VTCN1: variants seen among roughly 807,000 people sequenced by gnomAD.
VTCN1 encodes V-set domain containing T cell activation inhibitor 1, also known as V-set domain-containing T-cell activation inhibitor 1.
A neutral mutation model predicts 26.5 loss-of-function variants in VTCN1; 26 were observed. The ratio of observed to expected loss-of-function variants is 0.98; its 90% CI spans 0.72 to 1.36. The LOEUF (loss-of-function observed/expected upper bound fraction) is 1.36. Among genes scored for constraint, VTCN1 ranks in the 40% most tolerant of loss-of-function variants. The pLI is 0.00. For missense variants in VTCN1, 298 were observed against 337.7 expected (o/e 0.88, Z 0.92); for synonymous variants, 116 against 130.7 (o/e 0.89, Z 0.77).
intron 1 of VTCN1, among the ~76,000 whole-genome samples, chr1:117,188,923 T>C (rs1648099897): frequency 6.6e-6 from 1 of 152,200 alleles, no homozygotes; most frequent in Non-Finnish European, 1.5e-5. Context: ...AATTATTATA[T>C]ATAAGTAAAA....
rs188267697 is a variant in VTCN1 at position 117,170,360 on chromosome 1, C to T, written c.33-189G>A. The T allele has an allele frequency of 5.7e-5, 40 of 696,498 alleles. No individual in the cohort carries two copies. In the East Asian group the frequency reaches 1.1e-3, roughly 18 times the overall value. 43.1% of individuals were successfully genotyped at this position (696,498 alleles called of 1,614,324 possible). A position where few individuals can be genotyped will look rare whatever the true frequency, so the allele number is the denominator to read the frequency against. ...AATTTCAGCAATTCCATCCCCATCCCCCTGGGGCTCTGGGATCAATGAAAA... is the reference window on the plus strand; with the variant it reads ...AATTTCAGCAATTCCATCCCCATCCTCCTGGGGCTCTGGGATCAATGAAAA... On this transcript the variant is annotated intron_variant, in intron 1 of 5. Coordinates refer to ENST00000369458, the MANE Select transcript of VTCN1 (RefSeq NM_024626.4).
intron 2 of VTCN1, among the ~76,000 whole-genome samples, chr1:117,168,454 G>C (rs956046695): frequency 6.6e-6 from 1 of 152,122 alleles, no homozygotes; most frequent in African/African-American, 2.4e-5. Flanking sequence ...AAACAATAAA[G>C]CTTCTACAAG....
intron 1 of VTCN1, among the ~76,000 whole-genome samples, chr1:117,209,284 G>A (rs540672624): frequency 2.0e-5 from 3 of 152,144 alleles, no homozygotes; most frequent in Non-Finnish European, 4.4e-5. Context: ...AAAGCATTAC[G>A]AGAGAGCCCA....
chr1:117,194,380 T>C (rs986940622), intron 1 of VTCN1, among the ~76,000 whole-genome samples: 1 of 152,166 alleles, frequency 6.6e-6, no homozygotes, highest in Non-Finnish European at 1.5e-5. Context: ...AAAATGTTGG[T>C]GCGGATGCAG....
intron 1 of VTCN1, among the ~76,000 whole-genome samples, chr1:117,184,719 T>G (rs1253849831): frequency 6.6e-6 from 1 of 152,182 alleles, no homozygotes; most frequent in African/African-American, 2.4e-5. Context: ...GTGCCTGGCA[T>G]GGAGCAAAGG....
chr1:117,156,552 T>A, intron 3 of VTCN1, 22 bp downstream of exon 3: 1 of 1,532,188 alleles, frequency 6.5e-7, no homozygotes, highest in Middle Eastern at 1.8e-4. Context: ...CTTTAAAAAA[T>A]CTCTCTCCAA....
chr1:117,173,731 C>T (rs1653051388), intron 1 of VTCN1, among the ~76,000 whole-genome samples: 1 of 152,184 alleles, frequency 6.6e-6, no homozygotes, highest in South Asian at 2.1e-4. Flanking sequence ...TACTTATAAA[C>T]TATTGCTGTA....
chr1:117,183,320 C>T lies in VTCN1; in HGVS notation c.33-13149G>A, dbSNP rs994882762. Among the ~76,000 whole-genome samples the T allele has an allele frequency of 6.6e-6, 1 of 152,204 alleles. No homozygotes were observed. Among genetic ancestry groups the T allele is most frequent in the African/African-American group, 2.4e-5 (1 of 41,454 alleles). ...AAATGCCCCACCTTACAGACTGCTT[C>T]CCTTGGAGCGTCTAGCACATAGTCT... On this transcript the variant is annotated intron_variant, in intron 1 of 5. Coordinates refer to ENST00000369458, the MANE Select transcript of VTCN1 (RefSeq NM_024626.4). This position sits in a 1 kb window ranked among gnomAD's most constrained non-coding sequence, Gnocchi z 4.1.
chr1:117,205,935 A>G (rs566782694), intron 1 of VTCN1, among the ~76,000 whole-genome samples: 1 of 152,100 alleles, frequency 6.6e-6, no homozygotes, highest in Non-Finnish European at 1.5e-5. Flanking sequence ...GCAGTGCCTC[A>G]TCAGAGATCT....
chr1:117,199,886 G>A (rs1368227467), intron 1 of VTCN1, among the ~76,000 whole-genome samples: 1 of 151,780 alleles, frequency 6.6e-6, no homozygotes, highest in African/African-American at 2.4e-5. Context: ...CGCCCACCTC[G>A]GCCTCCCAAA....
chr1:117,205,473 T>G (rs1649013160), intron 1 of VTCN1, among the ~76,000 whole-genome samples: 1 of 152,056 alleles, frequency 6.6e-6, no homozygotes, highest in African/African-American at 2.4e-5. Flanking sequence ...AGCATATAAT[T>G]CTTACTGAGT....
intron 4 of VTCN1, among the ~76,000 whole-genome samples, chr1:117,149,143 G>C (rs1005832777): frequency 6.6e-6 from 1 of 152,166 alleles, no homozygotes; most frequent in South Asian, 2.1e-4. Context: ...TGGAGTAAGG[G>C]TGTAGTGTTC....
chr1:117,153,459 T>A, intron 3 of VTCN1, 90 bp from the exon 4 acceptor site: 3 of 1,321,602 alleles, frequency 2.3e-6, no homozygotes, highest in Non-Finnish European at 2.0e-6. Context: ...AAAAATGCAG[T>A]CATTTTTTTT....
intron 2 of VTCN1, among the ~76,000 whole-genome samples, chr1:117,162,418 C>T (rs1652412739): frequency 6.6e-6 from 1 of 152,110 alleles, no homozygotes; most frequent in South Asian, 2.1e-4. Context: ...CTATGACTCT[C>T]CAGGCCTACT....
chr1:117,177,240 A>G (rs1570966382), intron 1 of VTCN1, among the ~76,000 whole-genome samples: 3 of 152,234 alleles, frequency 2.0e-5, no homozygotes, highest in African/African-American at 7.2e-5. Flanking sequence ...GCTTCAAGGT[A>G]AAACTAACCA....
rs534002230 is a variant in VTCN1, at chr1:117,144,518, C to T, written c.*753G>A. The T allele has an allele frequency of 7.2e-5, 11 of 152,276 alleles. No individual in the cohort carries two copies. The highest frequency in any genetic ancestry group is 2.6e-4 in the African/African-American group (11 of 41,544). The allele number at this position is 152,276 out of a possible 1,614,324, so 9.4% of individuals were successfully genotyped here. A position where few individuals can be genotyped will look rare whatever the true frequency, so the allele number is the denominator to read the frequency against. On this transcript the variant is annotated 3_prime_UTR_variant, in exon 6 of 6. Coordinates refer to ENST00000369458, the MANE Select transcript of VTCN1 (RefSeq NM_024626.4). ...TGCCATATAGACAAGGTGAAAGGTCCTTCCCTGGACCATTCACGGATGAAC... is the reference window on the plus strand; with the variant it reads ...TGCCATATAGACAAGGTGAAAGGTCTTTCCCTGGACCATTCACGGATGAAC...
At chr1:117,196,305 T>C (rs1190848126) in intron 1 of VTCN1, among the ~76,000 whole-genome samples, 5 of 152,002 alleles carry the variant, frequency 3.3e-5, no homozygotes, top group Admixed American at 3.3e-4. Flanking sequence ...TAGAAGAAGA[T>C]TTATTTGAGA....
Position 117,143,843 on chromosome 1 carries a change from G to A in VTCN1, c.*1428C>T, listed in dbSNP as rs1357418269. 2 of 152,182 alleles carry A rather than the reference G, an allele frequency of 1.3e-5. No homozygotes were observed. Among genetic ancestry groups the A allele is most frequent in the East Asian group, 3.9e-4 (2 of 5,186 alleles). 9.4% of individuals were successfully genotyped at this position (152,182 alleles called of 1,614,324 possible). ...TGTGCTTCATGGAAGGTATATGTTTGTTGCCTTAATTTGAATTGTGGCCAG... is the reference window on the plus strand; with the variant it reads ...TGTGCTTCATGGAAGGTATATGTTTATTGCCTTAATTTGAATTGTGGCCAG... On this transcript the variant is annotated 3_prime_UTR_variant, in exon 6 of 6. Coordinates refer to ENST00000369458, the MANE Select transcript of VTCN1 (RefSeq NM_024626.4).
rs1208843077 is a variant in VTCN1, at chr1:117,167,358, G to T, written c.97+2749C>A. ...CTCATGCCCCTCCTCACTGCTACCT[G>T]CTTACTTGTCCCCAAAGGTAATAAG... On this transcript the variant is annotated intron_variant, in intron 2 of 5. Transcript: ENST00000369458. This position sits in a 1 kb window ranked among gnomAD's most constrained non-coding sequence, Gnocchi z 4.1. Among the ~76,000 whole-genome samples the T allele has an allele frequency of 3.9e-5, 6 of 152,106 alleles. No individual in the cohort carries two copies. Among genetic ancestry groups the T allele is most frequent in the Middle Eastern group, 3.4e-3 (1 of 294 alleles).
Sources: allele counts gnomAD v4.1 joint callset (sites outside exome capture counted in the v4.1 genomes callset), GRCh38; gene constraint gnomAD v4.1.1; non-coding constraint Gnocchi (gnomAD v3.1); transcripts MANE v1.5; gene names NCBI Gene and HGNC (gene_info 2026-07-23, HGNC 2026-07-21).